CMYA5: variants seen among roughly 807,000 people sequenced by gnomAD.
CMYA5 encodes cardiomyopathy-associated protein 5.
In CMYA5, 246 loss-of-function variants were observed where a neutral mutation model predicts 318.9. The observed-to-expected ratio is 0.77, with a 90% CI of 0.70 to 0.86. CMYA5 has a LOEUF of 0.86. Among genes scored for constraint, CMYA5 ranks in the 40% least tolerant of loss-of-function variants. The pLI is 0.00. For synonymous variants in CMYA5, 1,641 were observed against 1,729.5 expected, an observed-to-expected ratio of 0.95 and a Z score of 1.27; for missense variants, 4,589 against 4,678.2, an observed-to-expected ratio of 0.98 and a Z score of 0.56.
chr5:79,697,088 G>A (rs149515928), intron 1 of CMYA5, among the ~76,000 whole-genome samples: 15 of 152,250 alleles, frequency 9.9e-5, no homozygotes, highest in East Asian at 1.9e-4. Flanking sequence ...TGTGTGCCAC[G>A]CAATATAAAC....
At chr5:79,697,035 A>G (rs1030496020) in intron 1 of CMYA5, among the ~76,000 whole-genome samples, 2 of 152,222 alleles carry the variant, frequency 1.3e-5, no homozygotes, top group South Asian at 2.1e-4. Flanking sequence ...TTACTGTAAG[A>G]AAAGAGACTT....
At chr5:79,774,069 C>G (rs1188092489) in intron 9 of CMYA5, among the ~76,000 whole-genome samples, 1 of 152,200 alleles carries the variant, frequency 6.6e-6, no homozygotes, top group Non-Finnish European at 1.5e-5. Flanking sequence ...ATAATGGCCT[C>G]TGGCGATTCC....
At chr5:79,727,142 C>T (rs889309453) in intron 1 of CMYA5, among the ~76,000 whole-genome samples, 2 of 152,070 alleles carry the variant, frequency 1.3e-5, no homozygotes, top group Non-Finnish European at 2.9e-5. Flanking sequence ...TCTCAAACTC[C>T]TGACCTCAGG....
intron 1 of CMYA5, among the ~76,000 whole-genome samples, chr5:79,699,765 C>T (rs186362358): frequency 1.7e-4 from 26 of 152,252 alleles, no homozygotes; most frequent in Non-Finnish European, 2.1e-4. Flanking sequence ...TCAGAGAATC[C>T]GAAACAGAAG....
chr5:79,743,980 T>C (rs1312659341), intron 3 of CMYA5, 58 bp downstream of exon 3: 14 of 863,392 alleles, frequency 1.6e-5, no homozygotes, highest in Non-Finnish European at 2.1e-5. Flanking sequence ...CAGAAGTAAA[T>C]GATTCTGAGG....
At position 79,758,447 on chromosome 5, in the gene CMYA5, G is replaced by C. The variant is rs546783244; in HGVS notation, c.11111-306G>C. Reference sequence around the variant, plus strand: ...CTTGGGAGGCTGAGGCAGAAGAATCGCTTGAATCTGGGAGGCAAAGGTTGC... The same window carrying C: ...CTTGGGAGGCTGAGGCAGAAGAATCCCTTGAATCTGGGAGGCAAAGGTTGC... On this transcript the variant is annotated intron_variant, in intron 6 of 12. Coordinates refer to ENST00000446378, the MANE Select transcript of CMYA5 (RefSeq NM_153610.5). Among the ~76,000 whole-genome samples, 26 of 151,932 alleles carry C rather than the reference G, an allele frequency of 1.7e-4. No individual in the cohort carries two copies. In the South Asian group the frequency reaches 5.4e-3, roughly 32 times the overall value.
intron 9 of CMYA5, among the ~76,000 whole-genome samples, chr5:79,765,381 G>A (rs1050484648): frequency 6.6e-6 from 1 of 152,154 alleles, no homozygotes; most frequent in Admixed American, 6.5e-5. Context: ...ATGCTGTTTT[G>A]GTTACTGTAG....
Position 79,729,228 on chromosome 5 carries a change from T to C in CMYA5, c.463T>C (p.Ser155Pro). 2 of 1,612,954 alleles carry C rather than the reference T, an allele frequency of 1.2e-6. No individual in the cohort carries two copies. The highest frequency in any genetic ancestry group is 1.7e-6 in the Non-Finnish European group (2 of 1,179,650). The stretch of plus-strand genomic sequence containing the variant: ...CCGGAAAGGCAACAGAAAAAGAAAT[T>C]CTTTTGAATCCCAAGATGTTCCAAC... ...LRRKGNRKRNSFESQDVPTNK... is the reference protein window; with the variant it reads ...LRRKGNRKRNPFESQDVPTNK... The change falls in exon 2 of 13, where the codon TCT (serine) becomes CCT (proline). Residue 155 changes from serine to proline, a missense_variant. Around this residue, in one of 3 missense-constraint regions of CMYA5, gnomAD observed 2,132 missense variants for 2,131.3 expected, o/e 1.00. Transcript: ENST00000446378.
chr5:79,695,550 A>G (rs6883197), intron 1 of CMYA5, among the ~76,000 whole-genome samples: 66,069 of 152,058 alleles, frequency 0.43, 16,381 homozygotes, highest in African/African-American at 0.69. Flanking sequence ...TATCATACTG[A>G]ACAATGCAGG....
chr5:79,729,805 G>A lies in CMYA5; in HGVS notation c.1040G>A (p.Ser347Asn). 5 of 1,613,802 alleles carry A rather than the reference G, an allele frequency of 3.1e-6. No individual in the cohort carries two copies. The highest frequency in any genetic ancestry group is 4.2e-6 in the Non-Finnish European group (5 of 1,179,810). ...GAGCACACAGTTCCCTCTTATTCAA[G>A]TAGTGGCAGAGCAGAACAAGGAATA... The part of the protein sequence containing the change: ...ALEHTVPSYS[S>N]SGRAEQGIQL... The change falls in exon 2 of 13, where the codon AGT (serine) becomes AAT (asparagine). Residue 347 changes from serine (S) to asparagine (N), a missense_variant. Physicochemically the swap from Ser to Asn is conservative, Grantham distance 46 (BLOSUM62 1). Around this residue, in one of 3 missense-constraint regions of CMYA5, gnomAD observed 2,132 missense variants for 2,131.3 expected, o/e 1.00. Transcript: ENST00000446378.
At chr5:79,793,688 A>G in intron 12 of CMYA5, 78 bp downstream of exon 12, 1 of 1,319,224 alleles carries the variant, frequency 7.6e-7, no homozygotes, top group Non-Finnish European at 1.0e-6. Context: ...GAGGGACCTG[A>G]TAAATAGCAC....
intron 1 of CMYA5, among the ~76,000 whole-genome samples, chr5:79,727,718 C>T (rs1827776453): frequency 6.6e-6 from 1 of 152,094 alleles, no homozygotes; most frequent in African/African-American, 2.4e-5. Context: ...GGAGTATTGT[C>T]GGGGCTCTGC....
intron 9 of CMYA5, among the ~76,000 whole-genome samples, chr5:79,765,639 T>C (rs1021950653): frequency 6.6e-6 from 1 of 152,196 alleles, no homozygotes; most frequent in Non-Finnish European, 1.5e-5. Flanking sequence ...TGTTTTTCCA[T>C]TTGTTTGTGT....
At chr5:79,786,644 A>G (rs945334833) in intron 9 of CMYA5, among the ~76,000 whole-genome samples, 2 of 152,214 alleles carry the variant, frequency 1.3e-5, no homozygotes, top group Non-Finnish European at 2.9e-5. Context: ...AATCTCTGGA[A>G]GAGTGCTACT....
In CMYA5 at chr5:79,731,900, C is replaced by T. The variant is rs888494905; in HGVS notation, c.3135C>T (p.Asp1045=). 6.2e-7 allele frequency: 1 copy of T among 1,613,292 alleles called. No homozygotes were observed. The highest frequency in any genetic ancestry group is 8.5e-7 in the Non-Finnish European group (1 of 1,179,698). ...YSCFSEADEE[D]IGSTAATPVS... ...GCTTTTCAGAAGCAGATGAGGAAGACATTGGATCCACAGCTGCTACACCTG... is the reference window on the plus strand; with the variant it reads ...GCTTTTCAGAAGCAGATGAGGAAGATATTGGATCCACAGCTGCTACACCTG... The change falls in exon 2 of 13, where the codon GAC becomes GAT. Residue 1045 remains aspartate, a synonymous_variant. Transcript: ENST00000446378.
chr5:79,799,177 C>T (rs1561235056), intron 12 of CMYA5, among the ~76,000 whole-genome samples, 193 bp from the exon 13 acceptor site: 2 of 152,170 alleles, frequency 1.3e-5, no homozygotes, highest in Non-Finnish European at 2.9e-5. Flanking sequence ...ATTAAACATG[C>T]TCATCTGTTG....
At chr5:79,723,480 G>A (rs1827686265) in intron 1 of CMYA5, among the ~76,000 whole-genome samples, 2 of 149,492 alleles carry the variant, frequency 1.3e-5, no homozygotes, top group African/African-American at 4.9e-5. Flanking sequence ...GGAGATTACA[G>A]GCTGGCCATG....
At position 79,713,528 on chromosome 5, in the gene CMYA5, A is replaced by G. The variant is rs60832041; in HGVS notation, c.150-15387A>G. Among the ~76,000 whole-genome samples, 1,037 of 152,000 alleles carry G rather than the reference A, an allele frequency of 6.8e-3. 10 individuals are homozygous for G. Among genetic ancestry groups the G allele is most frequent in the African/African-American group, 0.022 (926 of 41,344 alleles). On this transcript the variant is annotated intron_variant, in intron 1 of 12. Coordinates refer to ENST00000446378, the MANE Select transcript of CMYA5 (RefSeq NM_153610.5). ...AGTTTTTTATAATAGTGGAGAATTT[A>G]GTGGTTGAGTTTTATGCTTTTCGCT...
intron 1 of CMYA5, among the ~76,000 whole-genome samples, chr5:79,726,803 T>C (rs1369432077): frequency 1.3e-5 from 2 of 152,096 alleles, no homozygotes; most frequent in Non-Finnish European, 2.9e-5. Context: ...CTGCAAGGAC[T>C]TATGGTCCTG....
Sources: gnomAD v4.1 joint callset for allele counts (sites outside exome capture counted in the v4.1 genomes callset) on GRCh38, gnomAD v4.1.1 for gene constraint, gnomAD v4.1.1 regional missense constraint, MANE v1.5 for transcripts, NCBI Gene and HGNC (gene_info 2026-07-23, HGNC 2026-07-21) for gene names.